Variants in RMND5A observed in about 807,000 individuals in gnomAD.
The protein encoded by RMND5A is required for meiotic nuclear division 5 homolog A, also known as E3 ubiquitin-protein transferase RMND5A.
In RMND5A, 17 loss-of-function variants were observed where a neutral mutation model predicts 49.7. That is an observed-to-expected ratio of 0.34 (90% CI 0.23 to 0.51). RMND5A has a LOEUF of 0.51. RMND5A is among the 20% of genes least tolerant of loss of function. The pLI, the probability that RMND5A is intolerant of heterozygous loss-of-function variation, is 0.96. For synonymous variants in RMND5A, 156 were observed against 167.7 expected, an observed-to-expected ratio of 0.93 and a Z score of 0.54; for missense variants, 255 against 471.3, an observed-to-expected ratio of 0.54 and a Z score of 4.25.
chr2:86,762,687 ATATCATATATATCATATATATCATAT>A (rs1672520431), intron 4 of RMND5A, among the ~76,000 whole-genome samples: 1 of 438 alleles, frequency 2.3e-3, no homozygotes. Context: ...TATCATATAT[ATATCATATATATCATATATATCATAT>A]ATATCATATA....
At chr2:86,770,148 T>A in intron 7 of RMND5A, 23 bp downstream of exon 7, 1 of 1,481,346 alleles carries the variant, frequency 6.8e-7, no homozygotes, top group Non-Finnish European at 9.4e-7. Context: ...TTCTATTGGC[T>A]ATTTACTTTT....
At chr2:86,728,995 C>T (rs1312831929) in intron 1 of RMND5A, among the ~76,000 whole-genome samples, 2 of 152,006 alleles carry the variant, frequency 1.3e-5, no homozygotes, top group Non-Finnish European at 2.9e-5. Context: ...ACCTCGTAAT[C>T]TGCCCGCCTT....
rs1480591386 is a variant in RMND5A, at chr2:86,753,542, C to T, written c.505C>T (p.Leu169=). Residue 169 remains leucine, a synonymous_variant, in exon 4 of 9, where the codon CTG becomes TTG. Coordinates refer to ENST00000283632, the MANE Select transcript of RMND5A (RefSeq NM_022780.4). ...ATTAGAGGCATTAAAGGTCAGAGTT[C>T]TGAGACCTGCTCTGGAGTGAGTATT... ...RILEALKVRV[L]RPALEWAVSN... 1.9e-6 allele frequency: 3 copies of T among 1,593,312 alleles called. No homozygotes were observed. The highest frequency in any genetic ancestry group is 2.6e-6 in the Non-Finnish European group (3 of 1,161,808).
chr2:86,770,825 A>G (rs1672673951), intron 7 of RMND5A, among the ~76,000 whole-genome samples: 2 of 152,186 alleles, frequency 1.3e-5, no homozygotes, highest in Non-Finnish European at 2.9e-5. Context: ...TTATGATGTG[A>G]AGTGGCGAAG....
chr2:86,769,020 A>G (rs959617059), intron 6 of RMND5A, among the ~76,000 whole-genome samples: 1 of 152,158 alleles, frequency 6.6e-6, no homozygotes, highest in South Asian at 2.1e-4. Flanking sequence ...ATCGTGGCTC[A>G]CTGCAGCCTC....
chr2:86,753,408 C>T, intron 3 of RMND5A, 50 bp from the exon 4 acceptor site: 1 of 1,109,824 alleles, frequency 9.0e-7, no homozygotes, highest in Non-Finnish European at 1.4e-6. Flanking sequence ...CCACTAGCTC[C>T]TTACCCTGAT....
rs550407673 is a variant in RMND5A, at chr2:86,744,851, C to T, written c.285+3782C>T. On this transcript the variant is annotated intron_variant, in intron 2 of 8. Coordinates refer to ENST00000283632, the MANE Select transcript of RMND5A (RefSeq NM_022780.4). ...GGGCCTACATGCGCTTGCTACCATG[C>T]CCAGTTAATTTTTTTCATTTTTGCG... 1.8e-3 allele frequency among the ~76,000 whole-genome samples: 270 copies of T among 152,178 alleles called. 3 individuals are homozygous for T. In the South Asian group the frequency reaches 0.033, roughly 18 times the overall value.
Position 86,770,248 on chromosome 2 carries a change from G to A in RMND5A, c.957+123G>A, listed in dbSNP as rs1456732827. ...AGCCATTTGACAGGAGTTCTTTTAT[G>A]GATATATAAAAGATTAAACAATACA... On this transcript the variant is annotated intron_variant, in intron 7 of 8. Transcript: ENST00000283632. 5.5e-6 allele frequency: 4 copies of A among 721,164 alleles called. No homozygotes were observed. The East Asian group carries it at 8.4e-5, about 15-fold the overall frequency. 44.7% of individuals were successfully genotyped at this position (721,164 alleles called of 1,614,324 possible). A position where few individuals can be genotyped will look rare whatever the true frequency, so the allele number is the denominator to read the frequency against.
rs1438460474 is a variant in RMND5A, at chr2:86,775,315, T to A, written c.*1904T>A. On this transcript the variant is annotated 3_prime_UTR_variant, in exon 9 of 9. Transcript: ENST00000283632. The stretch of plus-strand genomic sequence containing the variant: ...TTGAATTAAAACCTAGAGTGTTGTA[T>A]TTTTCTTTCTTTCTTTTTTTTTTTT... The A allele has an allele frequency of 3.5e-5, 3 of 84,856 alleles. No individual in the cohort carries two copies. In the Admixed American group the frequency reaches 4.0e-4, roughly 11 times the overall value. 5.3% of individuals were successfully genotyped at this position (84,856 alleles called of 1,614,324 possible). A position where few individuals can be genotyped will look rare whatever the true frequency, so the allele number is the denominator to read the frequency against.
At chr2:86,762,818 A>T (rs1672526320) in intron 4 of RMND5A, among the ~76,000 whole-genome samples, 1 of 150,736 alleles carries the variant, frequency 6.6e-6, no homozygotes, top group African/African-American at 2.4e-5. Context: ...AGGCGGGAGG[A>T]TGGCTTGAGC....
chr2:86,759,339 T>C (rs895061366), intron 4 of RMND5A, among the ~76,000 whole-genome samples: 1 of 152,216 alleles, frequency 6.6e-6, no homozygotes, highest in African/African-American at 2.4e-5. Context: ...ATTGTATAGA[T>C]GTGGATTGCT....
chr2:86,720,694 C>G lies in RMND5A; in HGVS notation c.27C>G (p.Arg9=). The change falls in exon 1 of 9, where the codon CGC becomes CGG. Residue 9 remains arginine (R), a synonymous_variant. Transcript: ENST00000283632. ...TGGATCAGTGCGTGACGGTGGAGCG[C>G]GAGCTGGAGAAGGTGCTGCACAAGT... The part of the protein sequence containing the change: MDQCVTVE[R]ELEKVLHKFS... 1.3e-6 allele frequency: 2 copies of G among 1,571,842 alleles called. No homozygotes were observed. The highest frequency in any genetic ancestry group is 1.7e-6 in the Non-Finnish European group (2 of 1,161,202).
rs1366567103 is a variant in RMND5A at position 86,777,464 on chromosome 2, A to G, written c.*4053A>G. 1 of 152,170 alleles carries G rather than the reference A, an allele frequency of 6.6e-6. No homozygotes were observed. The highest frequency in any genetic ancestry group is 1.5e-5 in the Non-Finnish European group (1 of 68,026). 9.4% of individuals were successfully genotyped at this position (152,170 alleles called of 1,614,324 possible). A position where few individuals can be genotyped will look rare whatever the true frequency, so the allele number is the denominator to read the frequency against. ...CCATTGCCCCCACCTGCACCTAGCA[A>G]GGAACAGGTGTTTGATGTATTTTGC... On this transcript the variant is annotated 3_prime_UTR_variant, in exon 9 of 9. Coordinates refer to ENST00000283632, the MANE Select transcript of RMND5A (RefSeq NM_022780.4).
intron 7 of RMND5A, among the ~76,000 whole-genome samples, 179 bp downstream of exon 7, chr2:86,770,304 TGGA>T (rs1055750912): frequency 1.3e-5 from 2 of 152,182 alleles, no homozygotes; most frequent in Non-Finnish European, 2.9e-5. Flanking sequence ...TTGGGGACCC[TGGA>T]GGAGGAGTAT....
chr2:86,766,172 G>T, intron 6 of RMND5A, 148 bp downstream of exon 6: 1 of 724,866 alleles, frequency 1.4e-6, no homozygotes, highest in Non-Finnish European at 2.3e-6. Context: ...ATCACAATTG[G>T]CAGTGATGCT....
intron 2 of RMND5A, among the ~76,000 whole-genome samples, chr2:86,741,320 C>T (rs1218522663): frequency 6.6e-6 from 1 of 151,450 alleles, no homozygotes; most frequent in African/African-American, 2.4e-5. Flanking sequence ...GCATATATGA[C>T]TAGAGCTCCT....
intron 2 of RMND5A, among the ~76,000 whole-genome samples, chr2:86,744,270 C>T (rs2104391519): frequency 6.6e-6 from 1 of 152,228 alleles, no homozygotes; most frequent in South Asian, 2.1e-4. Flanking sequence ...TTAAGTCCTC[C>T]AGGAGCTCTT....
Position 86,773,526 on chromosome 2 carries a change from G to A in RMND5A, c.*115G>A. The A allele has an allele frequency of 1.5e-6, 1 of 678,802 alleles. No homozygotes were observed. Among genetic ancestry groups the A allele is most frequent in the South Asian group, 1.9e-5 (1 of 54,010 alleles). 42.0% of individuals were successfully genotyped at this position (678,802 alleles called of 1,614,324 possible). ...GACTCCTGTGTTTCTATAAGCTAAT[G>A]CTCCAGAAACTTTGCCAACCTGTTA... On this transcript the variant is annotated 3_prime_UTR_variant, in exon 9 of 9. Transcript: ENST00000283632.
At chr2:86,771,788 A>G (rs1558728184) in intron 8 of RMND5A, 76 bp downstream of exon 8, 3 of 1,227,034 alleles carry the variant, frequency 2.4e-6, no homozygotes, top group East Asian at 4.7e-5. Context: ...AGAAGTGATG[A>G]GGATTAAAAA....
Sources: gnomAD v4.1 joint callset for allele counts (sites outside exome capture counted in the v4.1 genomes callset) on GRCh38, gnomAD v4.1.1 for gene constraint, MANE v1.5 for transcripts, NCBI Gene and HGNC (gene_info 2026-07-23, HGNC 2026-07-21) for gene names.